The following AFG2A variants were observed in gnomAD, a reference collection of about 807,000 sequenced individuals.
AFG2A encodes AAA ATPase AFG2A.
At chr4:123,238,451 G>A in the AFG2A span, among the ~76,000 whole-genome samples, 1 of 152,118 alleles carries the variant, frequency 6.6e-6, no homozygotes, top group Non-Finnish European at 1.5e-5. Flanking sequence ...TCATACAGGC[G>A]GGTTTCCCTC....
At chr4:123,050,739 C>CTT in the AFG2A span, among the ~76,000 whole-genome samples, 8 of 140,302 alleles carry the variant, frequency 5.7e-5, no homozygotes, top group South Asian at 1.1e-3. Context: ...ATAGTTGTGT[C>CTT]TTTTTTTTTT....
At chr4:122,951,443 C>CAT in the AFG2A span, among the ~76,000 whole-genome samples, 1 of 151,264 alleles carries the variant, frequency 6.6e-6, no homozygotes, top group Non-Finnish European at 1.5e-5. Flanking sequence ...TACACACACA[C>CAT]ACACACACAC....
At chr4:123,158,255 C>T in the AFG2A span, among the ~76,000 whole-genome samples, 1 of 152,178 alleles carries the variant, frequency 6.6e-6, no homozygotes, top group Admixed American at 6.5e-5. Context: ...TAACCTGAAT[C>T]TCAGGTCAAG....
the AFG2A span, chr4:123,256,232 G>C: frequency 6.3e-7 from 1 of 1,589,434 alleles, no homozygotes; most frequent in Non-Finnish European, 8.6e-7. Flanking sequence ...GGTGGCTCAG[G>C]GTCATTAAGC....
chr4:123,003,154 A>C, the AFG2A span, among the ~76,000 whole-genome samples: 2 of 152,292 alleles, frequency 1.3e-5, no homozygotes, highest in East Asian at 3.9e-4. Flanking sequence ...TTTCAGCTTC[A>C]TCAGCTCCTT....
the AFG2A span, among the ~76,000 whole-genome samples, chr4:123,001,934 T>C: frequency 4.6e-5 from 7 of 152,114 alleles, no homozygotes; most frequent in South Asian, 2.1e-4. Context: ...ACTGTGTGGG[T>C]GTCTAAGTCT....
the AFG2A span, among the ~76,000 whole-genome samples, chr4:123,159,000 CCTT>C: frequency 6.6e-6 from 1 of 152,134 alleles, no homozygotes; most frequent in Non-Finnish European, 1.5e-5. Flanking sequence ...TTATGTCTAA[CCTT>C]CTTATTTTCA....
At chr4:123,140,090 A>G in the AFG2A span, among the ~76,000 whole-genome samples, 1 of 152,086 alleles carries the variant, frequency 6.6e-6, no homozygotes, top group Non-Finnish European at 1.5e-5. Flanking sequence ...TTTCAGGAAA[A>G]TAAATACTGT....
chr4:123,191,136 GTTAA>G, the AFG2A span, among the ~76,000 whole-genome samples: 2 of 152,168 alleles, frequency 1.3e-5, no homozygotes, highest in Admixed American at 6.5e-5. Flanking sequence ...ACATTGTTTG[GTTAA>G]TTAATTCATT....
At chr4:123,161,112 A>G in the AFG2A span, among the ~76,000 whole-genome samples, 1 of 152,174 alleles carries the variant, frequency 6.6e-6, no homozygotes, top group Non-Finnish European at 1.5e-5. Flanking sequence ...GATAAAAGCC[A>G]TGTTTCTTCA....
At chr4:123,120,371 TAAAA>T in the AFG2A span, among the ~76,000 whole-genome samples, 9 of 151,894 alleles carry the variant, frequency 5.9e-5, no homozygotes, top group Non-Finnish European at 1.3e-4. Flanking sequence ...AATTAAGGGC[TAAAA>T]AAAAGAGCTT....
At chr4:123,207,122 G>T in the AFG2A span, among the ~76,000 whole-genome samples, 1 of 152,092 alleles carries the variant, frequency 6.6e-6, no homozygotes, top group Non-Finnish European at 1.5e-5. Flanking sequence ...TAAGTAGATG[G>T]TTAGGCATTC....
At chr4:122,997,467 G>C in the AFG2A span, among the ~76,000 whole-genome samples, 1 of 152,112 alleles carries the variant, frequency 6.6e-6, no homozygotes, top group African/African-American at 2.4e-5. Flanking sequence ...GCATGTATCA[G>C]TATTTAATTT....
At chr4:123,302,630 TTGTCTGGGTA>T in the AFG2A span, among the ~76,000 whole-genome samples, 1 of 152,080 alleles carries the variant, frequency 6.6e-6, no homozygotes, top group Non-Finnish European at 1.5e-5. Flanking sequence ...CTAACCTGGC[TTGTCTGGGTA>T]TGTCTGGGAA....
At chr4:123,318,603 C>T in the AFG2A span, 1 of 152,086 alleles carries the variant, frequency 6.6e-6, no homozygotes, top group Non-Finnish European at 1.5e-5. Context: ...CTTCTAATCC[C>T]AGAGTCTCAT....
At chr4:123,165,384 T>A in the AFG2A span, among the ~76,000 whole-genome samples, 1 of 152,160 alleles carries the variant, frequency 6.6e-6, no homozygotes, top group Non-Finnish European at 1.5e-5. Context: ...ATGTAAATTA[T>A]GTCTTAATAA....
At chr4:123,036,142 G>A in the AFG2A span, among the ~76,000 whole-genome samples, 1 of 152,164 alleles carries the variant, frequency 6.6e-6, no homozygotes, top group East Asian at 1.9e-4. Context: ...ACTGTGCATA[G>A]TAAACAAAGA....
chr4:123,313,156 T>C, the AFG2A span, among the ~76,000 whole-genome samples: 1 of 152,214 alleles, frequency 6.6e-6, no homozygotes, highest in Non-Finnish European at 1.5e-5. Context: ...TTCGGGATTC[T>C]TGAACCTTCC....
chr4:123,114,248 C>T, the AFG2A span, among the ~76,000 whole-genome samples: 1 of 152,166 alleles, frequency 6.6e-6, no homozygotes, highest in African/African-American at 2.4e-5. Context: ...CAAGTCCCCA[C>T]TCTGGTCCGC....
Sources: gnomAD v4.1 joint callset for allele counts (sites outside exome capture counted in the v4.1 genomes callset) on GRCh38, gnomAD v4.1.1 for gene constraint, MANE v1.5 for transcripts, NCBI Gene and HGNC (gene_info 2026-07-23, HGNC 2026-07-21) for gene names.